The following MAP4K5 variants were observed in gnomAD, a reference collection of about 807,000 sequenced individuals.
MAP4K5 encodes the protein MAPK/ERK kinase kinase kinase 5.
MAP4K5 carries 82 observed loss-of-function variants against 135.6 expected under a neutral mutation model. The observed-to-expected ratio is 0.60, with a 90% confidence interval of 0.51 to 0.73. MAP4K5 has a LOEUF of 0.73. Among genes scored for constraint, MAP4K5 ranks in the 30% least tolerant of loss-of-function variants. MAP4K5 has a pLI of 0.00. For missense variants in MAP4K5, 907 were observed against 1,010.9 expected (o/e 0.90, Z 1.39); for synonymous variants, 347 against 335.0 (o/e 1.04, Z -0.39).
At chr14:50,509,795 C>T (rs2037893265) in intron 2 of MAP4K5, among the ~76,000 whole-genome samples, 1 of 152,174 alleles carries the variant, frequency 6.6e-6, no homozygotes, top group Non-Finnish European at 1.5e-5. Flanking sequence ...TTTCCCTATC[C>T]ACCTAAGAGA....
chr14:50,555,327 G>A (rs2038752976), intron 1 of MAP4K5, among the ~76,000 whole-genome samples: 1 of 152,200 alleles, frequency 6.6e-6, no homozygotes, highest in Non-Finnish European at 1.5e-5. Flanking sequence ...TGTCACCCAG[G>A]CTGGAGTGCA....
intron 1 of MAP4K5, among the ~76,000 whole-genome samples, chr14:50,557,217 A>T (rs1356353217): frequency 6.6e-6 from 1 of 152,232 alleles, no homozygotes; most frequent in Non-Finnish European, 1.5e-5. Flanking sequence ...AATGTGAAAC[A>T]TTACTGTTCT....
At chr14:50,433,053 T>C (rs1026233860) in intron 28 of MAP4K5, among the ~76,000 whole-genome samples, 2 of 152,158 alleles carry the variant, frequency 1.3e-5, no homozygotes, top group African/African-American at 2.4e-5. Flanking sequence ...GTCAGGCCGG[T>C]CTCGAACTCC....
Position 50,513,942 on chromosome 14 carries a change from G to A in MAP4K5, c.109-9085C>T, listed in dbSNP as rs1405747741. ...TGATCTACAATACAAAAGAAGCAAC[G>A]CAGCACCCATAAGGTTTGAAAAATA... On this transcript the variant is annotated intron_variant, in intron 2 of 32. Coordinates refer to ENST00000682126, the MANE Select transcript of MAP4K5 (RefSeq NM_006575.6). Among the ~76,000 whole-genome samples, 5 of 152,150 alleles carry A rather than the reference G, an allele frequency of 3.3e-5. No homozygotes were observed. The South Asian group carries it at 1.0e-3, about 32-fold the overall frequency.
At chr14:50,457,057 G>T (rs1438541532) in intron 13 of MAP4K5, among the ~76,000 whole-genome samples, 1 of 152,148 alleles carries the variant, frequency 6.6e-6, no homozygotes, top group Non-Finnish European at 1.5e-5. Flanking sequence ...ACAGCAGAAA[G>T]AATAAGAACA....
chr14:50,496,978 A>G (rs1307947758), intron 3 of MAP4K5, among the ~76,000 whole-genome samples: 1 of 152,238 alleles, frequency 6.6e-6, no homozygotes, highest in East Asian at 1.9e-4. Context: ...TTTCTGTATT[A>G]GTAAGTACTA....
chr14:50,460,662 G>A (rs981485661), intron 13 of MAP4K5, among the ~76,000 whole-genome samples: 39 of 152,054 alleles, frequency 2.6e-4, no homozygotes, highest in African/African-American at 8.5e-4. Flanking sequence ...TTCATTTAAC[G>A]TTCAACTAAA....
intron 2 of MAP4K5, among the ~76,000 whole-genome samples, chr14:50,525,512 C>T (rs1399614523): frequency 2.6e-5 from 4 of 152,110 alleles, no homozygotes; most frequent in Admixed American, 6.6e-5. Flanking sequence ...AATCCTTACA[C>T]TACACTGTAA....
intron 26 of MAP4K5, among the ~76,000 whole-genome samples, chr14:50,436,136 C>T (rs1218531147): frequency 6.6e-6 from 1 of 152,150 alleles, no homozygotes; most frequent in African/African-American, 2.4e-5. Context: ...AAGTTAGGAA[C>T]TTAAGATCTG....
chr14:50,444,503 C>T (rs1315602829), intron 18 of MAP4K5, among the ~76,000 whole-genome samples: 2 of 152,082 alleles, frequency 1.3e-5, no homozygotes, highest in South Asian at 4.1e-4. Context: ...AATTCCAGCA[C>T]TTTGGGAGGC....
chr14:50,551,712 G>A (rs1215125074), intron 1 of MAP4K5, among the ~76,000 whole-genome samples: 5 of 152,074 alleles, frequency 3.3e-5, no homozygotes, highest in Non-Finnish European at 7.4e-5. Context: ...ATTCAGGGAT[G>A]GTTTAACATA....
chr14:50,420,583 G>A (rs955244091), intron 32 of MAP4K5, among the ~76,000 whole-genome samples: 20 of 152,198 alleles, frequency 1.3e-4, no homozygotes, highest in African/African-American at 4.8e-4. Context: ...AGGAAACTGT[G>A]ATTGTGCCAC....
At chr14:50,512,599 G>T (rs537560721) in intron 2 of MAP4K5, among the ~76,000 whole-genome samples, 2 of 152,232 alleles carry the variant, frequency 1.3e-5, no homozygotes, top group South Asian at 2.1e-4. Context: ...ATGAAGAACC[G>T]ATGGGCAAAT....
intron 11 of MAP4K5, among the ~76,000 whole-genome samples, chr14:50,465,887 C>A (rs1219332364): frequency 6.6e-6 from 1 of 152,018 alleles, no homozygotes; most frequent in Non-Finnish European, 1.5e-5. Context: ...ACCATCCTGG[C>A]CAACATGGTG....
rs1374675941 is a variant in MAP4K5 at position 50,421,644 on chromosome 14, G to T, written c.2453+1477C>A. On this transcript the variant is annotated intron_variant, in intron 32 of 32. Coordinates refer to ENST00000682126, the MANE Select transcript of MAP4K5 (RefSeq NM_006575.6). ...ATCTTAAAAACAAGGAGATGCCCAT[G>T]TAAGAGACAAGCAGAGCAAGGCAAC... 1.6e-4 allele frequency among the ~76,000 whole-genome samples: 25 copies of T among 151,814 alleles called. 1 individual carries two copies. Among genetic ancestry groups the T allele is most frequent in the Admixed American group, 1.6e-3 (25 of 15,244 alleles).
At chr14:50,443,674 G>C (rs2036277578) in intron 20 of MAP4K5, 55 bp downstream of exon 20, 1 of 1,425,546 alleles carries the variant, frequency 7.0e-7, no homozygotes, top group Non-Finnish European at 9.5e-7. Context: ...CCAATATATT[G>C]CTGCTTCTAA....
At chr14:50,461,132 C>T (rs1595466253) in intron 13 of MAP4K5, among the ~76,000 whole-genome samples, 2 of 151,918 alleles carry the variant, frequency 1.3e-5, no homozygotes, top group Admixed American at 1.3e-4. Context: ...TTCAAGAGAT[C>T]CTCCTGCCTC....
intron 1 of MAP4K5, among the ~76,000 whole-genome samples, chr14:50,545,479 A>G (rs947324266): frequency 1.3e-5 from 2 of 152,194 alleles, no homozygotes; most frequent in Non-Finnish European, 2.9e-5. Context: ...AAATAGTCCA[A>G]CTGCTCAACC....
chr14:50,502,580 G>A (rs931371465), intron 3 of MAP4K5, among the ~76,000 whole-genome samples: 1 of 151,974 alleles, frequency 6.6e-6, no homozygotes, highest in African/African-American at 2.4e-5. Context: ...ATTAATCTAT[G>A]TGCCTTTTTT....
Sources: allele counts gnomAD v4.1 joint callset (sites outside exome capture counted in the v4.1 genomes callset), GRCh38; gene constraint gnomAD v4.1.1; transcripts MANE v1.5; gene names NCBI Gene and HGNC (gene_info 2026-07-23, HGNC 2026-07-21).